SMIM36: variants seen among roughly 807,000 people sequenced by gnomAD.
The protein encoded by SMIM36 is small integral membrane protein 36.
rs145951677 is a variant in SMIM36 at position 55,467,876 on chromosome 17, C to T, written c.*348-548G>A. ...AGGCAGTTCCTGCCTTAACTGATGA[C>T]ATTCCACTGTTGTGATTTGTTCCCG... On this transcript the variant is annotated intron_variant, in intron 3 of 4. Coordinates refer to ENST00000636752, the Ensembl canonical transcript of SMIM36. 6.6e-3 allele frequency among the ~76,000 whole-genome samples: 1,005 copies of T among 152,266 alleles called. 5 individuals are homozygous for T. Among genetic ancestry groups the T allele is most frequent in the African/African-American group, 0.023 (943 of 41,548 alleles).
chr17:55,510,482 G>C (rs982729246), intron 1 of SMIM36, among the ~76,000 whole-genome samples: 1 of 152,128 alleles, frequency 6.6e-6, no homozygotes, highest in Admixed American at 6.5e-5. Context: ...TAGAGTCCTA[G>C]CTACATGGGA....
chr17:55,457,384 G>C (rs1454274480), intron 4 of SMIM36, among the ~76,000 whole-genome samples: 3 of 145,086 alleles, frequency 2.1e-5, no homozygotes, highest in Admixed American at 7.0e-5. Context: ...CCAGGAGGCA[G>C]AGGTTGCAGT....
chr17:55,510,703 G>A (rs1307005352), intron 1 of SMIM36, among the ~76,000 whole-genome samples, 176 bp downstream of exon 1: 1 of 138,384 alleles, frequency 7.2e-6, no homozygotes, highest in African/African-American at 3.5e-5. Flanking sequence ...ACACGCACGT[G>A]CACGTGCACA....
chr17:55,513,268 C>T (rs183578697), upstream of SMIM36, among the ~76,000 whole-genome samples: 3 of 152,204 alleles, frequency 2.0e-5, no homozygotes, highest in Admixed American at 6.5e-5. Context: ...AAAAAAAGGA[C>T]GTGAAGAAAA....
At chr17:55,515,944 T>C (rs9902824), upstream of SMIM36, among the ~76,000 whole-genome samples, 74,231 of 152,148 alleles carry the variant, frequency 0.49, 18,377 homozygotes, top group Middle Eastern at 0.52. Flanking sequence ...TCCTCTTCTA[T>C]TTTATTTTGG....
At chr17:55,530,633 A>G in the SMIM36 span, among the ~76,000 whole-genome samples, 2 of 152,094 alleles carry the variant, frequency 1.3e-5, no homozygotes, top group South Asian at 4.1e-4. Context: ...AAATACAAAA[A>G]TTAGCTAGGC....
chr17:55,501,381 A>ATTT (rs1909964566), intron 1 of SMIM36, among the ~76,000 whole-genome samples: 1 of 77,890 alleles, frequency 1.3e-5, no homozygotes, highest in African/African-American at 5.6e-5. Context: ...TATATATTAT[A>ATTT]GAATATAATA....
intron 3 of SMIM36, among the ~76,000 whole-genome samples, chr17:55,477,867 AAG>A (rs761501542): frequency 6.8e-6 from 1 of 148,078 alleles, no homozygotes; most frequent in Non-Finnish European, 1.5e-5. Flanking sequence ...TTTTTTTTTT[AAG>A]AGAGAGAAAA....
intron 1 of SMIM36, among the ~76,000 whole-genome samples, chr17:55,481,817 C>T (rs1379146803): frequency 6.6e-6 from 1 of 152,102 alleles, no homozygotes; most frequent in Non-Finnish European, 1.5e-5. Flanking sequence ...CTTCAGCCTC[C>T]CAACTAGCTG....
At chr17:55,496,020 T>C (rs1228151305) in intron 1 of SMIM36, among the ~76,000 whole-genome samples, 1 of 152,196 alleles carries the variant, frequency 6.6e-6, no homozygotes, top group African/African-American at 2.4e-5. Context: ...GTATACATTT[T>C]TGTCTCCAAA....
At chr17:55,452,727 G>T (rs1908942491) in intron 4 of SMIM36, among the ~76,000 whole-genome samples, 1 of 152,160 alleles carries the variant, frequency 6.6e-6, no homozygotes, top group South Asian at 2.1e-4. Context: ...GTTTGACTTT[G>T]CTTTCTAATA....
At chr17:55,477,837 T>G (rs1909450289) in intron 3 of SMIM36, among the ~76,000 whole-genome samples, 1 of 148,712 alleles carries the variant, frequency 6.7e-6, no homozygotes, top group African/African-American at 2.5e-5. Context: ...AGGGGCATTT[T>G]CACGAACCTA....
At chr17:55,490,488 T>C (rs1363763044) in intron 1 of SMIM36, among the ~76,000 whole-genome samples, 3 of 152,182 alleles carry the variant, frequency 2.0e-5, no homozygotes, top group Non-Finnish European at 4.4e-5. Flanking sequence ...TTTTAACTCT[T>C]GGTTTGTACA....
intron 4 of SMIM36, among the ~76,000 whole-genome samples, chr17:55,465,905 A>T (rs1909228179): frequency 6.6e-6 from 1 of 152,130 alleles, no homozygotes; most frequent in South Asian, 2.1e-4. Context: ...GGACTGCAGG[A>T]TGGGTGCCCT....
intron 3 of SMIM36, among the ~76,000 whole-genome samples, chr17:55,474,706 G>GT (rs1909400547): frequency 6.6e-6 from 1 of 152,168 alleles, no homozygotes; most frequent in Admixed American, 6.5e-5. Context: ...GAAACAGTGC[G>GT]TGTGTGCCCT....
chr17:55,470,488 T>C (rs1461918291), intron 3 of SMIM36, among the ~76,000 whole-genome samples: 2 of 152,194 alleles, frequency 1.3e-5, no homozygotes, highest in African/African-American at 4.8e-5. Context: ...ATTGTGGATA[T>C]TGATGGCCAG....
At chr17:55,486,607 C>G (rs1909611952) in intron 1 of SMIM36, among the ~76,000 whole-genome samples, 1 of 152,182 alleles carries the variant, frequency 6.6e-6, no homozygotes, top group South Asian at 2.1e-4. Context: ...AATAAGCACT[C>G]AGGTGATTTT....
chr17:55,507,721 A>G (rs1331879306), intron 1 of SMIM36, among the ~76,000 whole-genome samples: 1 of 150,584 alleles, frequency 6.6e-6, no homozygotes, highest in Non-Finnish European at 1.5e-5. Flanking sequence ...TAAAACTTAA[A>G]GTATAATAAA....
rs377743617 is a variant in SMIM36 at position 55,501,746 on chromosome 17, C to G, written c.*174+9133G>C. On this transcript the variant is annotated intron_variant, in intron 1 of 4. Transcript: ENST00000636752. ...AGGAGCCAAGATGGCCGAATAGGAACAGCTCCGGTCTACAGCTCCCAGCGT... is the reference window on the plus strand; with the variant it reads ...AGGAGCCAAGATGGCCGAATAGGAAGAGCTCCGGTCTACAGCTCCCAGCGT... Among the ~76,000 whole-genome samples the G allele has an allele frequency of 2.4e-4, 36 of 151,330 alleles. No homozygotes were observed. The East Asian group carries it at 7.0e-3, about 29-fold the overall frequency.
Sources: gnomAD v4.1 joint callset for allele counts (sites outside exome capture counted in the v4.1 genomes callset) on GRCh38, gnomAD v4.1.1 for gene constraint, MANE v1.5 for transcripts, NCBI Gene and HGNC (gene_info 2026-07-23, HGNC 2026-07-21) for gene names.